Variants in CEP112 observed in about 807,000 individuals in gnomAD.
CEP112 encodes centrosomal protein 112.
Under a neutral mutation model 153.0 loss-of-function variants are expected in CEP112, and 127 were observed. The observed-to-expected ratio is 0.83, with a 90% CI of 0.72 to 0.96. CEP112 has a LOEUF of 0.96. Ranked by LOEUF, CEP112 falls within the 40% of genes least tolerant of loss-of-function variation. The probability of loss-of-function intolerance (pLI) is 0.00; values close to 1 mark genes in which losing one functional copy is unlikely to be tolerated. For synonymous variants in CEP112, 358 were observed against 374.4 expected (o/e 0.96, Z 0.51); for missense variants, 1,089 against 1,101.2 (o/e 0.99, Z 0.16).
At chr17:66,134,746 C>T (rs566684371) in intron 4 of CEP112, among the ~76,000 whole-genome samples, 39 of 152,194 alleles carry the variant, frequency 2.6e-4, no homozygotes, top group Non-Finnish European at 2.2e-4. Flanking sequence ...TTGAGACCAG[C>T]GGGAGGTTGA....
intron 24 of CEP112, among the ~76,000 whole-genome samples, chr17:65,641,977 A>G (rs2045161996): frequency 6.6e-6 from 1 of 152,116 alleles, no homozygotes; most frequent in Middle Eastern, 3.2e-3. Flanking sequence ...ACTGATGCTC[A>G]CTGGGCTAGT....
At chr17:65,754,152 T>C (rs1232343839) in intron 21 of CEP112, among the ~76,000 whole-genome samples, 5 of 152,192 alleles carry the variant, frequency 3.3e-5, no homozygotes, top group Non-Finnish European at 7.3e-5. Context: ...GGGGGTACTT[T>C]ATAATTTTAA....
At chr17:65,714,402 G>C (rs1019489521) in intron 23 of CEP112, among the ~76,000 whole-genome samples, 1 of 149,604 alleles carries the variant, frequency 6.7e-6, no homozygotes, top group Non-Finnish European at 1.5e-5. Flanking sequence ...TATTAGTTTT[G>C]GATCCATATG....
At chr17:65,704,001 T>A (rs1384637417) in intron 23 of CEP112, among the ~76,000 whole-genome samples, 1 of 151,942 alleles carries the variant, frequency 6.6e-6, no homozygotes, top group African/African-American at 2.4e-5. Flanking sequence ...CGTGGCCTTA[T>A]TTGGAAATAG....
At chr17:65,961,643 T>A (rs1228973044) in intron 17 of CEP112, 45 bp from the exon 18 acceptor site, 1 of 1,520,710 alleles carries the variant, frequency 6.6e-7, no homozygotes, top group Non-Finnish European at 8.9e-7. Context: ...ATAAAAGAGC[T>A]AGGCCTGAAT....
At chr17:66,129,535 T>TAAC (rs1009788082) in intron 6 of CEP112, among the ~76,000 whole-genome samples, 1 of 152,196 alleles carries the variant, frequency 6.6e-6, no homozygotes, top group African/African-American at 2.4e-5. Context: ...ATTTCACACA[T>TAAC]AACAAAGTTA....
chr17:66,111,053 C>G (rs914657271), intron 6 of CEP112, among the ~76,000 whole-genome samples: 1 of 152,046 alleles, frequency 6.6e-6, no homozygotes, highest in African/African-American at 2.4e-5. Flanking sequence ...AGGACATGAA[C>G]AGACACTTCT....
intron 21 of CEP112, among the ~76,000 whole-genome samples, chr17:65,817,873 C>A (rs1278999530): frequency 6.6e-6 from 1 of 151,850 alleles, no homozygotes; most frequent in Non-Finnish European, 1.5e-5. Flanking sequence ...TTGCTTACCC[C>A]AGGTAAGCTT....
intron 11 of CEP112, among the ~76,000 whole-genome samples, chr17:66,059,325 C>T (rs1431451451): frequency 1.3e-5 from 2 of 152,080 alleles, no homozygotes; most frequent in East Asian, 1.9e-4. Flanking sequence ...AAATAAAGAA[C>T]TTTTGCACAG....
chr17:66,018,753 T>C (rs1281811961), intron 16 of CEP112, among the ~76,000 whole-genome samples: 1 of 152,198 alleles, frequency 6.6e-6, no homozygotes, highest in Non-Finnish European at 1.5e-5. Flanking sequence ...GTGAACTCCA[T>C]TAGACTTCGT....
At chr17:65,689,391 T>G (rs138562847) in intron 23 of CEP112, among the ~76,000 whole-genome samples, 173 bp from the exon 24 acceptor site, 7 of 151,948 alleles carry the variant, frequency 4.6e-5, no homozygotes, top group Non-Finnish European at 1.0e-4. Context: ...TGTTTTCTGC[T>G]TTAAGAATAC....
intron 8 of CEP112, among the ~76,000 whole-genome samples, chr17:66,095,029 C>T (rs879562265): frequency 1.6e-4 from 24 of 152,230 alleles, no homozygotes; most frequent in Admixed American, 5.2e-4. Context: ...GAAAAAAGAA[C>T]CCTTGCCCAG....
chr17:66,105,426 C>A (rs1159836994), intron 6 of CEP112, among the ~76,000 whole-genome samples: 1 of 152,118 alleles, frequency 6.6e-6, no homozygotes, highest in Admixed American at 6.6e-5. Context: ...AGGAGTAAGT[C>A]CTTACTTATC....
At chr17:66,132,842 C>A in intron 4 of CEP112, 79 bp from the exon 5 acceptor site, 1 of 965,876 alleles carries the variant, frequency 1.0e-6, no homozygotes, top group South Asian at 1.4e-5. Context: ...ATTACCATTT[C>A]TTTCCCTTGG....
rs765220089 is a variant in CEP112 at position 65,738,295 on chromosome 17, T to C, written c.2607+4773A>G. On this transcript the variant is annotated intron_variant, in intron 23 of 26. Transcript: ENST00000535342. ...AACCCGGACAGTGTGAAAATACTACTACTATCCAAGGTAGGAGGTGGCAGG... is the reference window on the plus strand; with the variant it reads ...AACCCGGACAGTGTGAAAATACTACCACTATCCAAGGTAGGAGGTGGCAGG... Among the ~76,000 whole-genome samples the C allele has an allele frequency of 9.8e-5, 15 of 152,308 alleles. No individual in the cohort carries two copies. In the Middle Eastern group the frequency reaches 0.01, roughly 104 times the overall value.
At chr17:65,757,232 T>C (rs2052341451) in intron 21 of CEP112, among the ~76,000 whole-genome samples, 1 of 152,100 alleles carries the variant, frequency 6.6e-6, no homozygotes, top group Non-Finnish European at 1.5e-5. Flanking sequence ...TGGTGTTCTG[T>C]TATGGCAGCC....
intron 18 of CEP112, among the ~76,000 whole-genome samples, chr17:65,940,403 T>C (rs1267508470): frequency 1.3e-5 from 2 of 152,102 alleles, no homozygotes; most frequent in African/African-American, 2.4e-5. Flanking sequence ...ATCAAAGGAA[T>C]TGAAATCAAA....
chr17:66,129,125 A>T (rs2070005222), intron 6 of CEP112, among the ~76,000 whole-genome samples: 1 of 152,216 alleles, frequency 6.6e-6, no homozygotes, highest in South Asian at 2.1e-4. Context: ...TGTTGCCTAA[A>T]ATTTAAAAGC....
At chr17:65,933,557 G>T (rs2061200583) in intron 18 of CEP112, among the ~76,000 whole-genome samples, 1 of 152,136 alleles carries the variant, frequency 6.6e-6, no homozygotes, top group Non-Finnish European at 1.5e-5. Flanking sequence ...AAGGAAAAAA[G>T]CTGTCAATCA....
Sources: gnomAD v4.1 joint callset for allele counts (sites outside exome capture counted in the v4.1 genomes callset) on GRCh38, gnomAD v4.1.1 for gene constraint, MANE v1.5 for transcripts, NCBI Gene and HGNC (gene_info 2026-07-23, HGNC 2026-07-21) for gene names.